Variants in MAP4K4 observed in about 807,000 individuals in gnomAD.
MAP4K4 encodes the protein HPK/GCK-like kinase HGK.
MAP4K4 carries 38 observed loss-of-function variants against 189.6 expected under a neutral mutation model. The ratio of observed to expected loss-of-function variants is 0.20; its 90% CI spans 0.15 to 0.26. The LOEUF (loss-of-function observed/expected upper bound fraction) is 0.26. Ranked by LOEUF, MAP4K4 falls within the 10% of genes least tolerant of loss-of-function variation. The probability of loss-of-function intolerance (pLI) is 1.00; values close to 1 mark genes in which losing one functional copy is unlikely to be tolerated. For synonymous variants in MAP4K4, 610 were observed against 624.3 expected, an observed-to-expected ratio of 0.98 and a Z score of 0.34; for missense variants, 1,054 against 1,726.9, an observed-to-expected ratio of 0.61 and a Z score of 6.91.
chr2:101,759,951 C>T (rs1264560297), intron 2 of MAP4K4, among the ~76,000 whole-genome samples: 2 of 151,668 alleles, frequency 1.3e-5, no homozygotes, highest in African/African-American at 4.8e-5. Flanking sequence ...CCAAGTGATT[C>T]TCCTACCTCG....
At chr2:101,786,478 A>G (rs974354607) in intron 2 of MAP4K4, among the ~76,000 whole-genome samples, 5 of 152,196 alleles carry the variant, frequency 3.3e-5, no homozygotes, top group African/African-American at 1.2e-4. Context: ...TGCTCTATCA[A>G]AGGGGATAAC....
At chr2:101,826,710 A>C (rs886268756) in intron 5 of MAP4K4, among the ~76,000 whole-genome samples, 1 of 152,206 alleles carries the variant, frequency 6.6e-6, no homozygotes, top group Non-Finnish European at 1.5e-5. Flanking sequence ...GCTTACCTAT[A>C]TAGCACACCC....
intron 30 of MAP4K4, 32 bp from the exon 31 acceptor site, chr2:101,887,746 G>T: frequency 6.4e-7 from 1 of 1,569,430 alleles, no homozygotes; most frequent in South Asian, 1.2e-5. Flanking sequence ...AACCACAGAC[G>T]TTCTTCCCTG....
intron 2 of MAP4K4, among the ~76,000 whole-genome samples, chr2:101,764,139 C>T (rs891362679): frequency 6.6e-6 from 1 of 150,578 alleles, no homozygotes; most frequent in African/African-American, 2.5e-5. Context: ...GATAAGGAAA[C>T]ACCGAGATGC....
chr2:101,784,267 T>C (rs2089404080), intron 2 of MAP4K4, among the ~76,000 whole-genome samples: 1 of 144,142 alleles, frequency 6.9e-6, no homozygotes, highest in Admixed American at 6.8e-5. Context: ...GCTCTTCGTG[T>C]GTGTGTGTGT....
intron 2 of MAP4K4, among the ~76,000 whole-genome samples, chr2:101,770,961 A>T (rs567821675): frequency 4.1e-4 from 62 of 152,298 alleles, no homozygotes; most frequent in African/African-American, 1.4e-3. Context: ...TGTAGGCTCT[A>T]CCTGATTGAT....
At chr2:101,726,902 C>T (rs2055712710) in intron 2 of MAP4K4, among the ~76,000 whole-genome samples, 1 of 152,062 alleles carries the variant, frequency 6.6e-6, no homozygotes, top group Non-Finnish European at 1.5e-5. Flanking sequence ...AATAAGGGAC[C>T]AAATCTGGTG....
intron 5 of MAP4K4, among the ~76,000 whole-genome samples, chr2:101,825,677 A>G (rs1249541534): frequency 1.3e-5 from 2 of 152,238 alleles, no homozygotes; most frequent in African/African-American, 4.8e-5. Flanking sequence ...CCATGGCATC[A>G]TGACATACCT....
intron 3 of MAP4K4, among the ~76,000 whole-genome samples, chr2:101,814,166 A>G (rs1012505095): frequency 2.0e-5 from 3 of 152,220 alleles, no homozygotes; most frequent in Admixed American, 6.5e-5. Context: ...GATACATGCT[A>G]TCACATTTTC....
intron 3 of MAP4K4, among the ~76,000 whole-genome samples, chr2:101,799,659 T>G (rs1224942881): frequency 6.6e-6 from 1 of 152,074 alleles, no homozygotes; most frequent in Non-Finnish European, 1.5e-5. Flanking sequence ...TGGAGGGCAG[T>G]GGCATCATCC....
intron 2 of MAP4K4, among the ~76,000 whole-genome samples, chr2:101,700,781 G>GT (rs5832982): frequency 0.24 from 33,982 of 140,746 alleles, 4,298 homozygotes; most frequent in Admixed American, 0.29. Context: ...AGTAAAATGT[G>GT]TTTTTTTTTT....
At chr2:101,722,741 G>C (rs1230349204) in intron 2 of MAP4K4, among the ~76,000 whole-genome samples, 1 of 152,182 alleles carries the variant, frequency 6.6e-6, no homozygotes, top group East Asian at 1.9e-4. Context: ...GTTGTTTTTG[G>C]AGGAAGAGGC....
At chr2:101,829,639 C>G (rs375454438) in intron 6 of MAP4K4, 45 bp downstream of exon 6, 3 of 1,349,522 alleles carry the variant, frequency 2.2e-6, no homozygotes, top group Non-Finnish European at 3.1e-6. Flanking sequence ...GCACCTGGCA[C>G]AAGCCAGCTG....
chr2:101,772,190 A>G (rs1408475535), intron 2 of MAP4K4, among the ~76,000 whole-genome samples: 3 of 152,332 alleles, frequency 2.0e-5, no homozygotes, highest in East Asian at 1.9e-4. Flanking sequence ...GGAGGCCCAG[A>G]TTTGTACTCA....
chr2:101,878,825 G>A (rs1158535906), intron 27 of MAP4K4, among the ~76,000 whole-genome samples: 1 of 152,062 alleles, frequency 6.6e-6, no homozygotes, highest in Non-Finnish European at 1.5e-5. Context: ...AGCTTGTTAT[G>A]TAACATATTT....
At chr2:101,736,255 T>C (rs993154403) in intron 2 of MAP4K4, among the ~76,000 whole-genome samples, 1 of 152,236 alleles carries the variant, frequency 6.6e-6, no homozygotes, top group African/African-American at 2.4e-5. Flanking sequence ...TGCCCATTGC[T>C]GACAGTATAA....
At chr2:101,713,282 C>T (rs527608892) in intron 2 of MAP4K4, among the ~76,000 whole-genome samples, 17 of 152,042 alleles carry the variant, frequency 1.1e-4, no homozygotes, top group Admixed American at 8.5e-4. Flanking sequence ...TCCAGTTTGA[C>T]AGTGATCAAT....
intron 2 of MAP4K4, among the ~76,000 whole-genome samples, chr2:101,738,847 G>C (rs1293985111): frequency 6.6e-6 from 1 of 152,084 alleles, no homozygotes; most frequent in East Asian, 1.9e-4. Context: ...TTGGGAAAGA[G>C]ACTGAACCCA....
In MAP4K4 at chr2:101,803,064, G is replaced by A. The variant is rs143660237; in HGVS notation, c.180+12288G>A. Among the ~76,000 whole-genome samples, 622 of 152,334 alleles carry A rather than the reference G, an allele frequency of 4.1e-3. 5 individuals are homozygous for A. Among genetic ancestry groups the A allele is most frequent in the African/African-American group, 0.014 (599 of 41,566 alleles). On this transcript the variant is annotated intron_variant, in intron 3 of 32. Coordinates refer to ENST00000324219, the Ensembl canonical transcript of MAP4K4. ...GCCTCCCAAAGTGCTGGGGTTACAG[G>A]CGTCAGCCACTGAGCATGGCCAGTT...
Sources: allele counts gnomAD v4.1 joint callset (sites outside exome capture counted in the v4.1 genomes callset), GRCh38; gene constraint gnomAD v4.1.1; transcripts MANE v1.5; gene names NCBI Gene and HGNC (gene_info 2026-07-23, HGNC 2026-07-21).